ROBO1: variants seen among roughly 807,000 people sequenced by gnomAD.
ROBO1 encodes roundabout homolog 1.
A neutral mutation model predicts 195.9 loss-of-function variants in ROBO1; 149 were observed. That is an observed-to-expected ratio of 0.76 (90% CI 0.67 to 0.87). The LOEUF is 0.87. Ranked by LOEUF, ROBO1 falls within the 40% of genes least tolerant of loss-of-function variation. The pLI is 0.00. For synonymous variants in ROBO1, 816 were observed against 733.2 expected (o/e 1.11, Z -1.82); for missense variants, 1,933 against 2,068.3 (o/e 0.93, Z 1.27).
At chr3:79,027,021 G>A (rs528659865) in intron 3 of ROBO1, among the ~76,000 whole-genome samples, 7 of 151,878 alleles carry the variant, frequency 4.6e-5, no homozygotes, top group Non-Finnish European at 7.4e-5. Context: ...TTGTTTATTC[G>A]GAATAATATT....
At chr3:79,254,433 C>T (rs976790297) in intron 2 of ROBO1, among the ~76,000 whole-genome samples, 1 of 151,628 alleles carries the variant, frequency 6.6e-6, no homozygotes, top group African/African-American at 2.4e-5. Flanking sequence ...ATCTCTTTTC[C>T]GCTAGAGAAA....
intron 2 of ROBO1, among the ~76,000 whole-genome samples, chr3:79,277,582 A>C (rs960085696): frequency 1.3e-5 from 2 of 152,112 alleles, no homozygotes; most frequent in Non-Finnish European, 2.9e-5. Flanking sequence ...GACTTCAGTC[A>C]ACAATAATTT....
chr3:79,648,301 A>G (rs955549661), intron 1 of ROBO1, among the ~76,000 whole-genome samples: 1 of 152,092 alleles, frequency 6.6e-6, no homozygotes, highest in Admixed American at 6.6e-5. Flanking sequence ...TAGATCGTGC[A>G]TAATCCCTAG....
intron 3 of ROBO1, among the ~76,000 whole-genome samples, chr3:78,963,505 T>TG (rs1353277054): frequency 1.0e-4 from 12 of 120,400 alleles, no homozygotes; most frequent in East Asian, 4.4e-4. Flanking sequence ...TTTTTTTTTT[T>TG]TTTTTTTTTT....
chr3:79,463,806 T>C (rs1035453547), intron 2 of ROBO1, among the ~76,000 whole-genome samples: 1 of 152,162 alleles, frequency 6.6e-6, no homozygotes, highest in African/African-American at 2.4e-5. Flanking sequence ...ACCTCTCAAT[T>C]CATCTAAAGT....
intron 1 of ROBO1, among the ~76,000 whole-genome samples, chr3:79,691,409 A>G (rs1947293933): frequency 6.6e-6 from 1 of 151,702 alleles, no homozygotes; most frequent in Non-Finnish European, 1.5e-5. Flanking sequence ...ATTATTCTTT[A>G]CATAATAGAG....
At chr3:79,348,228 A>T (rs60736962) in intron 2 of ROBO1, among the ~76,000 whole-genome samples, 30,536 of 149,832 alleles carry the variant, frequency 0.2, 5,361 homozygotes, top group African/African-American at 0.48. Flanking sequence ...AAAAAAAAAA[A>T]AAGTGAAGAT....
chr3:79,576,681 G>C (rs1301229673), intron 2 of ROBO1, among the ~76,000 whole-genome samples: 1 of 152,062 alleles, frequency 6.6e-6, no homozygotes, highest in Non-Finnish European at 1.5e-5. Context: ...TAAAATGGAT[G>C]ATCATATACA....
intron 4 of ROBO1, among the ~76,000 whole-genome samples, chr3:78,887,804 C>T (rs2036652943): frequency 6.6e-6 from 1 of 152,110 alleles, no homozygotes; most frequent in Non-Finnish European, 1.5e-5. Context: ...CAGCTCAAAC[C>T]TCCCTTCTAA....
At chr3:79,243,844 A>G (rs2108888356) in intron 2 of ROBO1, among the ~76,000 whole-genome samples, 1 of 152,110 alleles carries the variant, frequency 6.6e-6, no homozygotes, top group Non-Finnish European at 1.5e-5. Context: ...ATTAGATCCC[A>G]TTTGTCAATT....
chr3:78,928,210 T>C (rs2039319662), intron 4 of ROBO1, among the ~76,000 whole-genome samples: 1 of 152,194 alleles, frequency 6.6e-6, no homozygotes, highest in Non-Finnish European at 1.5e-5. Flanking sequence ...ACAGAATTAA[T>C]TGTCTGTAAC....
At chr3:79,755,850 A>T (rs1704368083) in intron 1 of ROBO1, among the ~76,000 whole-genome samples, 1 of 152,182 alleles carries the variant, frequency 6.6e-6, no homozygotes, top group African/African-American at 2.4e-5. Flanking sequence ...GAGTAATCCC[A>T]TTTGATCATA....
chr3:78,811,892 T>C (rs918056657), intron 4 of ROBO1, among the ~76,000 whole-genome samples: 2 of 152,114 alleles, frequency 1.3e-5, no homozygotes, highest in Admixed American at 6.6e-5. Flanking sequence ...CAAATCTCAT[T>C]TGTATGTGTT....
intron 4 of ROBO1, among the ~76,000 whole-genome samples, chr3:78,913,236 T>A (rs560649622): frequency 6.6e-6 from 1 of 152,074 alleles, no homozygotes; most frequent in Non-Finnish European, 1.5e-5. Context: ...ACCAATAGTA[T>A]GTAGAATATG....
chr3:78,886,385 A>G (rs2107320296), intron 4 of ROBO1, among the ~76,000 whole-genome samples: 1 of 152,212 alleles, frequency 6.6e-6, no homozygotes, highest in East Asian at 1.9e-4. Flanking sequence ...TCCCGAGGTC[A>G]GGAGTTTGAG....
intron 4 of ROBO1, among the ~76,000 whole-genome samples, chr3:78,911,346 G>T (rs892429951): frequency 4.6e-5 from 7 of 152,018 alleles, no homozygotes; most frequent in Admixed American, 2.0e-4. Context: ...AATGTATGGA[G>T]AATTCAGGCC....
At chr3:79,656,014 T>C (rs182470415) in intron 1 of ROBO1, among the ~76,000 whole-genome samples, 2 of 152,222 alleles carry the variant, frequency 1.3e-5, no homozygotes, top group Middle Eastern at 3.4e-3. Flanking sequence ...TTTTTAAGCT[T>C]ATTATTTGTA....
At chr3:78,780,252 T>TA (rs1267865735) in intron 4 of ROBO1, among the ~76,000 whole-genome samples, 3 of 151,522 alleles carry the variant, frequency 2.0e-5, no homozygotes, top group South Asian at 2.1e-4. Flanking sequence ...ATTTAAAGTA[T>TA]AAAAAAAAAT....
At chr3:79,325,396 G>T (rs1366131698) in intron 2 of ROBO1, among the ~76,000 whole-genome samples, 1 of 152,124 alleles carries the variant, frequency 6.6e-6, no homozygotes. Flanking sequence ...AAAGTATGAT[G>T]AACCATGTAA....
Sources: gnomAD v4.1 joint callset for allele counts (sites outside exome capture counted in the v4.1 genomes callset) on GRCh38, gnomAD v4.1.1 for gene constraint, MANE v1.5 for transcripts, NCBI Gene and HGNC (gene_info 2026-07-23, HGNC 2026-07-21) for gene names.